The following BMAL2 variants were observed in gnomAD, a reference collection of about 807,000 sequenced individuals.
BMAL2 encodes the protein basic helix-loop-helix ARNT like 2.
chr12:27,369,609 A>C, the BMAL2 span, among the ~76,000 whole-genome samples: 1 of 152,226 alleles, frequency 6.6e-6, no homozygotes, highest in Non-Finnish European at 1.5e-5. Flanking sequence ...TCTTGAACTG[A>C]AAGTGACTGT....
the BMAL2 span, among the ~76,000 whole-genome samples, chr12:27,337,939 A>AT: frequency 1.3e-5 from 2 of 151,778 alleles, no homozygotes; most frequent in African/African-American, 4.8e-5. Context: ...CTCCCCTCCT[A>AT]TTTTCACACT....
At chr12:27,367,275 C>T in the BMAL2 span, among the ~76,000 whole-genome samples, 1 of 152,038 alleles carries the variant, frequency 6.6e-6, no homozygotes, top group Non-Finnish European at 1.5e-5. Context: ...ACATATGCAG[C>T]GTGGATATGC....
At chr12:27,403,532 A>T in the BMAL2 span, 5 of 1,584,104 alleles carry the variant, frequency 3.2e-6, no homozygotes, top group Admixed American at 1.7e-5. Flanking sequence ...GAAATTCTGG[A>T]TTTACAGAGG....
the BMAL2 span, among the ~76,000 whole-genome samples, chr12:27,373,554 A>C: frequency 2.6e-5 from 4 of 151,970 alleles, no homozygotes; most frequent in South Asian, 8.3e-4. Context: ...CTGAGGATAT[A>C]CTCTGGGGGT....
At chr12:27,409,289 C>T in the BMAL2 span, among the ~76,000 whole-genome samples, 1 of 152,192 alleles carries the variant, frequency 6.6e-6, no homozygotes, top group African/African-American at 2.4e-5. Context: ...ATTGCCAAGT[C>T]AATCCTAAGC....
the BMAL2 span, among the ~76,000 whole-genome samples, chr12:27,407,115 G>C: frequency 6.6e-6 from 1 of 151,394 alleles, no homozygotes; most frequent in East Asian, 1.9e-4. Context: ...GACCTACAAA[G>C]AGACTTAGAC....
chr12:27,396,161 G>A, the BMAL2 span, among the ~76,000 whole-genome samples: 5 of 152,266 alleles, frequency 3.3e-5, no homozygotes, highest in South Asian at 2.1e-4. Context: ...ATTTTGTTAC[G>A]ACAACCTGAG....
At chr12:27,400,648 G>A in the BMAL2 span, 1 of 1,613,974 alleles carries the variant, frequency 6.2e-7, no homozygotes, top group Non-Finnish European at 8.5e-7. Flanking sequence ...AATTTTACCT[G>A]CCTTGTGGCC....
the BMAL2 span, chr12:27,390,605 G>A: frequency 2.4e-5 from 4 of 169,528 alleles, no homozygotes; most frequent in South Asian, 3.0e-4. Context: ...TAGTACAAGA[G>A]CCTGATTTGA....
At chr12:27,410,349 T>A in the BMAL2 span, among the ~76,000 whole-genome samples, 1 of 152,324 alleles carries the variant, frequency 6.6e-6, no homozygotes, top group East Asian at 1.9e-4. Flanking sequence ...CCAAGCCAAA[T>A]GTCCAACAAT....
At chr12:27,408,266 C>G in the BMAL2 span, among the ~76,000 whole-genome samples, 1 of 152,080 alleles carries the variant, frequency 6.6e-6, no homozygotes, top group African/African-American at 2.4e-5. Flanking sequence ...ATCCTGATAC[C>G]ATAGCCTGGC....
chr12:27,342,665 G>T, the BMAL2 span, among the ~76,000 whole-genome samples: 1 of 152,230 alleles, frequency 6.6e-6, no homozygotes, highest in Non-Finnish European at 1.5e-5. Context: ...CCTGGTTGGA[G>T]AATTAAATTT....
At chr12:27,337,776 G>T in the BMAL2 span, among the ~76,000 whole-genome samples, 1 of 152,120 alleles carries the variant, frequency 6.6e-6, no homozygotes, top group East Asian at 1.9e-4. Context: ...TGTAGAATAG[G>T]GGTAAAAATA....
the BMAL2 span, among the ~76,000 whole-genome samples, chr12:27,386,289 C>T: frequency 6.6e-6 from 1 of 152,134 alleles, no homozygotes; most frequent in East Asian, 1.9e-4. Flanking sequence ...GAAGCTTTCT[C>T]ACCAATCTGT....
the BMAL2 span, among the ~76,000 whole-genome samples, chr12:27,407,791 C>T: frequency 6.6e-6 from 1 of 152,124 alleles, no homozygotes; most frequent in Admixed American, 6.5e-5. Context: ...TTCAAAAAAT[C>T]AATGAATCCA....
At chr12:27,361,117 T>C in the BMAL2 span, among the ~76,000 whole-genome samples, 1 of 152,180 alleles carries the variant, frequency 6.6e-6, no homozygotes, top group African/African-American at 2.4e-5. Flanking sequence ...TGTGTGTGCA[T>C]GTGTGTATAC....
chr12:27,388,987 C>T, the BMAL2 span, among the ~76,000 whole-genome samples: 21 of 152,190 alleles, frequency 1.4e-4, no homozygotes, highest in East Asian at 1.9e-3. Context: ...TGGTTCTATA[C>T]GCATGTATTT....
the BMAL2 span, among the ~76,000 whole-genome samples, chr12:27,407,346 A>C: frequency 6.6e-6 from 1 of 152,224 alleles, no homozygotes; most frequent in South Asian, 2.1e-4. Context: ...GTTGGAAGTA[A>C]AGCACTCCTC....
chr12:27,350,686 T>A, the BMAL2 span, among the ~76,000 whole-genome samples: 3 of 152,330 alleles, frequency 2.0e-5, no homozygotes, highest in South Asian at 2.1e-4. Flanking sequence ...GTATTTCTTT[T>A]TTCTTTTTTT....
Sources: allele counts gnomAD v4.1 joint callset (sites outside exome capture counted in the v4.1 genomes callset), GRCh38; gene constraint gnomAD v4.1.1; transcripts MANE v1.5; gene names NCBI Gene and HGNC (gene_info 2026-07-23, HGNC 2026-07-21).